Variants in VPS13D observed in about 807,000 individuals in gnomAD.
VPS13D encodes the protein vacuolar protein sorting 13 homolog D, also known as intermembrane lipid transfer protein VPS13D.
In VPS13D, 187 loss-of-function variants were observed where a neutral mutation model predicts 461.9. That is an observed-to-expected ratio of 0.40 (90% CI 0.36 to 0.46). The LOEUF (loss-of-function observed/expected upper bound fraction) is 0.46, where lower values mean the gene tolerates loss of function less well. Ranked by LOEUF, VPS13D falls within the 20% of genes least tolerant of loss-of-function variation. VPS13D has a pLI of 0.60. For missense variants in VPS13D, 4,711 were observed against 5,364.9 expected (o/e 0.88, Z 3.81); for synonymous variants, 1,951 against 1,986.3 (o/e 0.98, Z 0.47).
intron 63 of VPS13D, among the ~76,000 whole-genome samples, chr1:12,411,444 G>A (rs1644726836): frequency 6.6e-6 from 1 of 150,562 alleles, no homozygotes; most frequent in African/African-American, 2.4e-5. Context: ...GCCAGCCTGG[G>A]CATCATAGGG....
Position 12,430,823 on chromosome 1 carries a change from C to T in VPS13D, c.12333+13996C>T, listed in dbSNP as rs529711049. Among the ~76,000 whole-genome samples the T allele has an allele frequency of 7.0e-4, 106 of 152,304 alleles. 1 individual carries two copies. The highest frequency in any genetic ancestry group is 1.3e-3 in the Admixed American group (20 of 15,300). On this transcript the variant is annotated intron_variant, in intron 65 of 69. Transcript: ENST00000620676. ...CGGGTCATGCAAATCTCCAGTCCTA[C>T]GATCACTAAGAAACAAAGCAAAAGG...
rs189156334 is a variant in VPS13D, at chr1:12,410,276, A to C, written c.12031-4811A>C. Among the ~76,000 whole-genome samples, 244 of 152,340 alleles carry C rather than the reference A, an allele frequency of 1.6e-3. 1 individual carries two copies. The highest frequency in any genetic ancestry group is 3.0e-3 in the Non-Finnish European group (207 of 68,026). On this transcript the variant is annotated intron_variant, in intron 63 of 69. Transcript: ENST00000620676. ...GCAGTTTTGTGGTACTAGGGAGATT[A>C]AAAGTGGAGGAATGGCATTGGTTTT...
intron 20 of VPS13D, among the ~76,000 whole-genome samples, chr1:12,281,973 C>T (rs1641798125): frequency 6.6e-6 from 1 of 151,732 alleles, no homozygotes; most frequent in Non-Finnish European, 1.5e-5. Context: ...CTGTGTCCTG[C>T]ACCTCCTGGG....
At chr1:12,337,995 A>T in intron 39 of VPS13D, 1 of 410,888 alleles carries the variant, frequency 2.4e-6, no homozygotes, top group South Asian at 3.9e-5. Flanking sequence ...CAGGAAAAAA[A>T]AAAAAAAAGC....
intron 1 of VPS13D, among the ~76,000 whole-genome samples, chr1:12,233,692 GT>G (rs1025027785): frequency 1.3e-5 from 2 of 152,206 alleles, no homozygotes; most frequent in African/African-American, 4.8e-5. Context: ...GAATGTAGGT[GT>G]TTTGGTTTGG....
intron 60 of VPS13D, among the ~76,000 whole-genome samples, chr1:12,398,766 T>TA (rs1644533205): frequency 6.6e-6 from 1 of 152,204 alleles, no homozygotes; most frequent in Admixed American, 6.5e-5. Flanking sequence ...TTGACCTTAG[T>TA]AGAGGAAACT....
At chr1:12,331,280 C>T (rs951038067) in intron 37 of VPS13D, among the ~76,000 whole-genome samples, 1 of 152,112 alleles carries the variant, frequency 6.6e-6, no homozygotes, top group Non-Finnish European at 1.5e-5. Flanking sequence ...ACGGCCTGCT[C>T]CCTTTAATTT....
intron 68 of VPS13D, among the ~76,000 whole-genome samples, chr1:12,498,098 C>G (rs958773373): frequency 1.7e-4 from 26 of 152,120 alleles, no homozygotes; most frequent in African/African-American, 6.0e-4. Flanking sequence ...AAATATGGAG[C>G]CTTATATACC....
chr1:12,349,411 CTTTTT>C (rs752251085), intron 46 of VPS13D, 37 bp downstream of exon 46: 1 of 1,419,792 alleles, frequency 7.0e-7, no homozygotes, highest in South Asian at 1.3e-5. Context: ...TCACTTTTGC[CTTTTT>C]TTTTTCTTTT....
In VPS13D at chr1:12,279,720, T is replaced by G; in HGVS notation, c.4602+70T>G. ...ACTCTATAAATATGATATATATTTA[T>G]GTATATTACATGTTGGAAGGAATAT... On this transcript the variant is annotated intron_variant, in intron 20 of 69. Transcript: ENST00000620676. The surrounding 1 kb of genome is among the most constrained non-coding windows in gnomAD (Gnocchi z 4.3). 1 of 1,286,892 alleles carries G rather than the reference T, an allele frequency of 7.8e-7. No homozygotes were observed. The highest frequency in any genetic ancestry group is 1.0e-6 in the Non-Finnish European group (1 of 965,018). 79.7% of individuals were successfully genotyped at this position (1,286,892 alleles called of 1,614,324 possible).
intron 12 of VPS13D, among the ~76,000 whole-genome samples, chr1:12,261,597 A>C (rs1641111019): frequency 6.6e-6 from 1 of 152,256 alleles, no homozygotes; most frequent in African/African-American, 2.4e-5. Context: ...GTTAGTGGCC[A>C]CTGTACTGGA....
intron 46 of VPS13D, among the ~76,000 whole-genome samples, chr1:12,349,653 G>A (rs568255914): frequency 6.6e-5 from 10 of 152,232 alleles, no homozygotes; most frequent in Non-Finnish European, 1.3e-4. Flanking sequence ...CATAAAGAGA[G>A]GACATATAGA....
intron 65 of VPS13D, among the ~76,000 whole-genome samples, chr1:12,417,485 CTTCCT>C (rs905979509): frequency 6.6e-6 from 1 of 152,152 alleles, no homozygotes; most frequent in African/African-American, 2.4e-5. Flanking sequence ...CTTTTTTTCT[CTTCCT>C]TTCATCTCAA....
intron 58 of VPS13D, among the ~76,000 whole-genome samples, 189 bp downstream of exon 58, chr1:12,383,344 G>C (rs987384747): frequency 1.3e-5 from 2 of 152,120 alleles, no homozygotes; most frequent in Non-Finnish European, 2.9e-5. Flanking sequence ...AAAAAGATAA[G>C]CGTAAAGTAT....
rs1557686450 is a variant in VPS13D, at chr1:12,285,972, CCTTTCCTTTCCTT to C, written c.5634+2237_5635-2238del. Among the ~76,000 whole-genome samples, 211 of 137,630 alleles carry C rather than the reference CCTTTCCTTTCCTT, an allele frequency of 1.5e-3. 2 individuals are homozygous for C. The highest frequency in any genetic ancestry group is 7.0e-3 in the Middle Eastern group (2 of 284). The allele number at this position is 137,630 out of a possible 152,430, so 90.3% of individuals were successfully genotyped here. A position where few individuals can be genotyped will look rare whatever the true frequency, so the allele number is the denominator to read the frequency against. ...CCTTTCCTTTCCTTTCCTTTCCTTT[CCTTTCCTTTCCTT>C]TCCTTTCCTCTCCTCTCCTCTCCTC... On this transcript the variant is annotated intron_variant, in intron 21 of 69. Coordinates refer to ENST00000620676, the MANE Select transcript of VPS13D (RefSeq NM_015378.4).
At chr1:12,475,079 T>A (rs922450716) in intron 67 of VPS13D, among the ~76,000 whole-genome samples, 5 of 152,188 alleles carry the variant, frequency 3.3e-5, no homozygotes, top group Non-Finnish European at 7.3e-5. Context: ...GCAGTTCACA[T>A]TCATTCAGTT....
intron 44 of VPS13D, among the ~76,000 whole-genome samples, chr1:12,346,892 G>A (rs1476027095): frequency 1.3e-5 from 2 of 152,224 alleles, no homozygotes; most frequent in East Asian, 3.8e-4. Context: ...AAAGGCAAAT[G>A]TTTGGTCCAA....
At chr1:12,260,616 C>G in intron 10 of VPS13D, 77 bp from the exon 11 acceptor site, 2 of 1,220,778 alleles carry the variant, frequency 1.6e-6, no homozygotes, top group Non-Finnish European at 2.4e-6. Context: ...CTTTTAGTGG[C>G]TTGTGAGGGT....
chr1:12,463,304 G>T (rs527331913), intron 67 of VPS13D, among the ~76,000 whole-genome samples: 7 of 152,330 alleles, frequency 4.6e-5, no homozygotes, highest in African/African-American at 1.7e-4. Flanking sequence ...GGCAAGTAGG[G>T]TATATGTTTG....
Sources: allele counts gnomAD v4.1 joint callset (sites outside exome capture counted in the v4.1 genomes callset), GRCh38; gene constraint gnomAD v4.1.1; non-coding constraint Gnocchi (gnomAD v3.1); transcripts MANE v1.5; gene names NCBI Gene and HGNC (gene_info 2026-07-23, HGNC 2026-07-21).